Variants in FOXK1 observed in about 807,000 individuals in gnomAD.
FOXK1 encodes the protein forkhead box protein K1.
A neutral mutation model predicts 51.9 loss-of-function variants in FOXK1; 19 were observed. The observed-to-expected ratio is 0.37, with a 90% CI of 0.26 to 0.54. The LOEUF (loss-of-function observed/expected upper bound fraction) is 0.54, where lower values mean the gene tolerates loss of function less well. FOXK1 is among the 20% of genes least tolerant of loss of function. The pLI is 0.87. For missense variants in FOXK1, 870 were observed against 1,032.7 expected, an observed-to-expected ratio of 0.84 and a Z score of 2.16; for synonymous variants, 537 against 482.6, an observed-to-expected ratio of 1.11 and a Z score of -1.48.
chr7:4,742,969 G>T (rs1393559657), intron 2 of FOXK1, among the ~76,000 whole-genome samples: 2 of 152,198 alleles, frequency 1.3e-5, no homozygotes, highest in African/African-American at 2.4e-5. Flanking sequence ...GAAAGGAGAG[G>T]CCCCGGGCTC....
intron 1 of FOXK1, among the ~76,000 whole-genome samples, chr7:4,698,882 C>T (rs756378382): frequency 3.3e-4 from 50 of 151,868 alleles, no homozygotes; most frequent in Non-Finnish European, 6.8e-4. Flanking sequence ...GAGATGGGGT[C>T]TTGCTGTGTT....
intron 1 of FOXK1, among the ~76,000 whole-genome samples, chr7:4,691,652 A>C (rs1002782123): frequency 6.6e-6 from 1 of 152,054 alleles, no homozygotes; most frequent in Non-Finnish European, 1.5e-5. Flanking sequence ...ATTATACATG[A>C]TTTGATTAAG....
rs1181541684 is a variant in FOXK1, at chr7:4,753,303, G to A, written c.747-1156G>A. 3.3e-5 allele frequency among the ~76,000 whole-genome samples: 5 copies of A among 152,164 alleles called. No homozygotes were observed. The highest frequency in any genetic ancestry group is 7.4e-5 in the Non-Finnish European group (5 of 68,026). On this transcript the variant is annotated intron_variant, in intron 2 of 8. Transcript: ENST00000328914. The surrounding 1 kb of genome is among the most constrained non-coding windows in gnomAD (Gnocchi z 4.9). ...CCAAGGGGGCTCCTACTTAACCTAA[G>A]TTTTGGAGATCTAGGAGTCTTGTGC...
rs1387595415 is a variant in FOXK1, at chr7:4,734,950, T to A, written c.561-5888T>A. Among the ~76,000 whole-genome samples the A allele has an allele frequency of 6.6e-6, 1 of 152,234 alleles. No individual in the cohort carries two copies. The highest frequency in any genetic ancestry group is 2.4e-5 in the African/African-American group (1 of 41,464). On this transcript the variant is annotated intron_variant, in intron 1 of 8. Coordinates refer to ENST00000328914, the MANE Select transcript of FOXK1 (RefSeq NM_001037165.2). The surrounding 1 kb of genome is among the most constrained non-coding windows in gnomAD (Gnocchi z 5.2). Reference sequence around the variant, plus strand: ...CCGGAAGCTTTCACGGGCTCTTCCTTCCCTCTCTGATTATTTCTCTGAGTC... The same window carrying A: ...CCGGAAGCTTTCACGGGCTCTTCCTACCCTCTCTGATTATTTCTCTGAGTC...
At chr7:4,727,095 A>T (rs1394337576) in intron 1 of FOXK1, among the ~76,000 whole-genome samples, 1 of 151,862 alleles carries the variant, frequency 6.6e-6, no homozygotes, top group Non-Finnish European at 1.5e-5. Context: ...ACAGGCATGC[A>T]CCACTATGCC....
At position 4,709,704 on chromosome 7, in the gene FOXK1, C is replaced by T. The variant is rs963945051; in HGVS notation, c.560+26836C>T. ...ATACAAAACGTCAAATTGCGTTTTA[C>T]GCCATTGGTTTGGACCCTGGAGCAG... is the stretch of plus-strand genomic sequence containing the variant. On this transcript the variant is annotated intron_variant, in intron 1 of 8. Transcript: ENST00000328914. This position sits in a 1 kb window ranked among gnomAD's most constrained non-coding sequence, Gnocchi z 5.6. Among the ~76,000 whole-genome samples, 6 of 152,218 alleles carry T rather than the reference C, an allele frequency of 3.9e-5. No individual in the cohort carries two copies. Among genetic ancestry groups the T allele is most frequent in the Admixed American group, 1.3e-4 (2 of 15,290 alleles).
intron 1 of FOXK1, among the ~76,000 whole-genome samples, chr7:4,738,359 C>T (rs541731512): frequency 1.9e-4 from 29 of 150,092 alleles, no homozygotes; most frequent in African/African-American, 7.1e-4. Context: ...ATCGCTTGAA[C>T]CCAGGAGGTG....
chr7:4,757,295 A>G, intron 5 of FOXK1, 108 bp downstream of exon 5: 1 of 999,784 alleles, frequency 1.0e-6, no homozygotes, highest in Non-Finnish European at 1.5e-6. Flanking sequence ...GCTCAGGCTC[A>G]GTGTACGGGC....
chr7:4,737,941 G>A (rs1583202790), intron 1 of FOXK1, among the ~76,000 whole-genome samples: 1 of 152,062 alleles, frequency 6.6e-6, no homozygotes, highest in African/African-American at 2.4e-5. Flanking sequence ...TGACCAACAT[G>A]GAAAAACCCT....
At chr7:4,751,374 GTT>G (rs1474901009) in intron 2 of FOXK1, among the ~76,000 whole-genome samples, 1 of 152,124 alleles carries the variant, frequency 6.6e-6, no homozygotes, top group East Asian at 1.9e-4. Context: ...CTAAGGGAAT[GTT>G]TCCGTGGACT....
rs192651668 is a variant in FOXK1 at position 4,684,883 on chromosome 7, A to G, written c.560+2015A>G. 6.0e-4 allele frequency among the ~76,000 whole-genome samples: 91 copies of G among 152,116 alleles called. No homozygotes were observed. The East Asian group carries it at 0.013, about 22-fold the overall frequency. Reference sequence around the variant, plus strand: ...AAATTTCAACCTCAGATCGTCTACGAATAGGCCAGTAGCAAGCCTGTTATT... The same window carrying G: ...AAATTTCAACCTCAGATCGTCTACGGATAGGCCAGTAGCAAGCCTGTTATT... On this transcript the variant is annotated intron_variant, in intron 1 of 8. Coordinates refer to ENST00000328914, the MANE Select transcript of FOXK1 (RefSeq NM_001037165.2).
At position 4,762,515 on chromosome 7, in the gene FOXK1, C is replaced by G; in HGVS notation, c.*51C>G. 10 of 1,497,234 alleles carry G rather than the reference C, an allele frequency of 6.7e-6. No individual in the cohort carries two copies. The highest frequency in any genetic ancestry group is 9.0e-6 in the Non-Finnish European group (10 of 1,116,778). 92.7% of individuals were successfully genotyped at this position (1,497,234 alleles called of 1,614,324 possible). A position where few individuals can be genotyped will look rare whatever the true frequency, so the allele number is the denominator to read the frequency against. ...GACTCACCCAGCGGCGACCCCGAAG[C>G]TGGACCCGGCAGCTCAGGCGGCCGC... On this transcript the variant is annotated 3_prime_UTR_variant, in exon 9 of 9. Transcript: ENST00000328914. This position sits in a 1 kb window ranked among gnomAD's most constrained non-coding sequence, Gnocchi z 5.7.
intron 7 of FOXK1, chr7:4,759,987 G>A (rs763489868): frequency 4.5e-4 from 99 of 220,966 alleles, no homozygotes; most frequent in Middle Eastern, 3.1e-3. Context: ...GCTAGACTGC[G>A]CCACTGCACT....
Position 4,748,944 on chromosome 7 carries a change from G to A in FOXK1, c.747-5515G>A, listed in dbSNP as rs186369735. Among the ~76,000 whole-genome samples the A allele has an allele frequency of 2.7e-4, 41 of 152,258 alleles. No individual in the cohort carries two copies. Among genetic ancestry groups the A allele is most frequent in the African/African-American group, 4.8e-4 (20 of 41,550 alleles). ...TCTGCCCACCTCAGCCTCCCAAAGC[G>A]CTGGGATTACAGGTGTGAGCCACCT... is the stretch of plus-strand genomic sequence containing the variant. On this transcript the variant is annotated intron_variant, in intron 2 of 8. Coordinates refer to ENST00000328914, the MANE Select transcript of FOXK1 (RefSeq NM_001037165.2). This position sits in a 1 kb window ranked among gnomAD's most constrained non-coding sequence, Gnocchi z 4.9.
chr7:4,754,746 G>A, intron 3 of FOXK1, 131 bp downstream of exon 3: 1 of 1,160,422 alleles, frequency 8.6e-7, no homozygotes, highest in South Asian at 1.5e-5. Flanking sequence ...ACAGGGAATG[G>A]AGCCGCAGCT....
At position 4,745,180 on chromosome 7, in the gene FOXK1, C is replaced by G. The variant is rs944094803; in HGVS notation, c.746+4157C>G. Among the ~76,000 whole-genome samples, 2 of 152,246 alleles carry G rather than the reference C, an allele frequency of 1.3e-5. No homozygotes were observed. The highest frequency in any genetic ancestry group is 4.8e-5 in the African/African-American group (2 of 41,476). On this transcript the variant is annotated intron_variant, in intron 2 of 8. Coordinates refer to ENST00000328914, the MANE Select transcript of FOXK1 (RefSeq NM_001037165.2). The surrounding 1 kb of genome is among the most constrained non-coding windows in gnomAD (Gnocchi z 4.3). ...AGCTGGCTGCCTGCAAGGCTGTCCCCTCCCAGTGCCGCCCCGCCCCCGCGG... is the reference window on the plus strand; with the variant it reads ...AGCTGGCTGCCTGCAAGGCTGTCCCGTCCCAGTGCCGCCCCGCCCCCGCGG...
chr7:4,761,394 G>A lies in FOXK1; in HGVS notation c.1921+106G>A. 1 of 1,171,924 alleles carries A rather than the reference G, an allele frequency of 8.5e-7. No individual in the cohort carries two copies. Among genetic ancestry groups the A allele is most frequent in the Non-Finnish European group, 1.2e-6 (1 of 829,100 alleles). The allele number at this position is 1,171,924 out of a possible 1,614,324, so 72.6% of individuals were successfully genotyped here. A position where few individuals can be genotyped will look rare whatever the true frequency, so the allele number is the denominator to read the frequency against. ...CCAGTATCTCCCGATCCTCCACTCAGTTCAATTTATTGAGCACCTGCTATA... is the reference window on the plus strand; with the variant it reads ...CCAGTATCTCCCGATCCTCCACTCAATTCAATTTATTGAGCACCTGCTATA... On this transcript the variant is annotated intron_variant, in intron 8 of 8. Coordinates refer to ENST00000328914, the MANE Select transcript of FOXK1 (RefSeq NM_001037165.2). The surrounding 1 kb of genome is among the most constrained non-coding windows in gnomAD (Gnocchi z 6.2).
chr7:4,705,517 T>TTCTCTCTCTCTCTCTCTCTCTCTC (rs56842360), intron 1 of FOXK1, among the ~76,000 whole-genome samples: 10 of 111,566 alleles, frequency 9.0e-5, no homozygotes, highest in East Asian at 6.1e-4. Flanking sequence ...TTCCTTCTCT[T>TTCTCTCTCTCTCTCTCTCTCTCTC]TCTCTCTCTC....
At position 4,743,411 on chromosome 7, in the gene FOXK1, A is replaced by G. The variant is rs1009414474; in HGVS notation, c.746+2388A>G. ...CTAAAAATACAAAAATCAGCCAGGC[A>G]TGGTGCCATATGTCTGTAATCCCAG... On this transcript the variant is annotated intron_variant, in intron 2 of 8. Coordinates refer to ENST00000328914, the MANE Select transcript of FOXK1 (RefSeq NM_001037165.2). The surrounding 1 kb of genome is among the most constrained non-coding windows in gnomAD (Gnocchi z 5.3). 6.6e-6 allele frequency among the ~76,000 whole-genome samples: 1 copy of G among 152,132 alleles called. No individual in the cohort carries two copies. The highest frequency in any genetic ancestry group is 1.5e-5 in the Non-Finnish European group (1 of 68,032).
Sources: gnomAD v4.1 joint callset for allele counts (sites outside exome capture counted in the v4.1 genomes callset) on GRCh38, gnomAD v4.1.1 for gene constraint, Gnocchi (gnomAD v3.1) non-coding constraint, MANE v1.5 for transcripts, NCBI Gene and HGNC (gene_info 2026-07-23, HGNC 2026-07-21) for gene names.